The following SYNDIG1 variants were observed in gnomAD, a reference collection of about 807,000 sequenced individuals.
SYNDIG1 encodes the protein synapse differentiation inducing 1.
Under a neutral mutation model 19.4 loss-of-function variants are expected in SYNDIG1, and 9 were observed. The observed-to-expected ratio is 0.46, with a 90% CI of 0.28 to 0.81. The LOEUF is 0.81. SYNDIG1 is among the 30% of genes least tolerant of loss of function. The pLI is 0.12. For synonymous variants in SYNDIG1, 141 were observed against 145.9 expected, an observed-to-expected ratio of 0.97 and a Z score of 0.24; for missense variants, 311 against 343.3, an observed-to-expected ratio of 0.91 and a Z score of 0.74.
At chr20:24,575,508 G>A (rs568247550) in intron 2 of SYNDIG1, among the ~76,000 whole-genome samples, 12 of 152,334 alleles carry the variant, frequency 7.9e-5, no homozygotes, top group South Asian at 2.1e-4. Context: ...GGGCTGGAGC[G>A]TGGTGTGCAC....
intron 1 of SYNDIG1, among the ~76,000 whole-genome samples, chr20:24,510,322 A>C (rs2056711145): frequency 1.3e-5 from 2 of 152,022 alleles, no homozygotes; most frequent in South Asian, 4.2e-4. Flanking sequence ...TAATCCCAGC[A>C]GTTTGGGAGG....
intron 3 of SYNDIG1, among the ~76,000 whole-genome samples, chr20:24,619,649 TA>T (rs1239594471): frequency 6.6e-6 from 1 of 152,246 alleles, no homozygotes; most frequent in African/African-American, 2.4e-5. Context: ...TTAATGTTTA[TA>T]ATTAAGATAA....
At chr20:24,585,056 G>GGCCCCCCCCC in intron 3 of SYNDIG1, 63 bp downstream of exon 3, 1 of 545,664 alleles carries the variant, frequency 1.8e-6, no homozygotes. Flanking sequence ...GGTGGGGGCG[G>GGCCCCCCCCC]CAATCCCAGC....
intron 1 of SYNDIG1, among the ~76,000 whole-genome samples, chr20:24,533,828 G>A (rs760898628): frequency 9.2e-5 from 14 of 152,314 alleles, no homozygotes; most frequent in South Asian, 6.2e-4. Flanking sequence ...GCCAGGGCAC[G>A]GAGTAGGGCA....
At chr20:24,634,105 G>A (rs906767842) in intron 3 of SYNDIG1, among the ~76,000 whole-genome samples, 1 of 152,186 alleles carries the variant, frequency 6.6e-6, no homozygotes, top group African/African-American at 2.4e-5. Flanking sequence ...TCTCCTCCAT[G>A]CCCCTTTCTC....
At chr20:24,480,712 G>A (rs532710453) in intron 1 of SYNDIG1, among the ~76,000 whole-genome samples, 5 of 152,322 alleles carry the variant, frequency 3.3e-5, no homozygotes, top group East Asian at 1.9e-4. Flanking sequence ...TAGCTAAAAC[G>A]TGGAAGCAAG....
chr20:24,536,601 A>T (rs1373318669), intron 1 of SYNDIG1, among the ~76,000 whole-genome samples: 2 of 152,076 alleles, frequency 1.3e-5, no homozygotes, highest in Non-Finnish European at 2.9e-5. Flanking sequence ...ACGCCTGCTT[A>T]CTCAGGTGAG....
chr20:24,538,476 G>A (rs2057405055), intron 1 of SYNDIG1, among the ~76,000 whole-genome samples: 2 of 117,752 alleles, frequency 1.7e-5, no homozygotes, highest in Non-Finnish European at 3.9e-5. Flanking sequence ...ATTGAATGTA[G>A]ATAGCACATT....
At chr20:24,486,757 C>T (rs2055972935) in intron 1 of SYNDIG1, among the ~76,000 whole-genome samples, 1 of 151,960 alleles carries the variant, frequency 6.6e-6, no homozygotes, top group Admixed American at 6.6e-5. Context: ...CTCCCGGGTT[C>T]AAGCGATTCT....
At chr20:24,501,939 G>A (rs1271991069) in intron 1 of SYNDIG1, among the ~76,000 whole-genome samples, 1 of 152,226 alleles carries the variant, frequency 6.6e-6, no homozygotes, top group Non-Finnish European at 1.5e-5. Context: ...CCAGCAAGGG[G>A]AGACTGCTCT....
At chr20:24,610,860 A>G (rs2058836235) in intron 3 of SYNDIG1, among the ~76,000 whole-genome samples, 1 of 151,862 alleles carries the variant, frequency 6.6e-6, no homozygotes, top group Admixed American at 6.6e-5. Context: ...AAGCCAGGCC[A>G]CTCTCGGCAC....
At chr20:24,660,537 G>A (rs543519254) in intron 3 of SYNDIG1, among the ~76,000 whole-genome samples, 6 of 152,260 alleles carry the variant, frequency 3.9e-5, no homozygotes, top group South Asian at 2.1e-4. Flanking sequence ...CTCCCCACTC[G>A]TCAGCCACAG....
chr20:24,484,664 C>T (rs571803529), intron 1 of SYNDIG1, among the ~76,000 whole-genome samples: 1 of 152,150 alleles, frequency 6.6e-6, no homozygotes, highest in East Asian at 1.9e-4. Flanking sequence ...TGATCTGACA[C>T]AGATACTAAA....
At chr20:24,585,127 A>G (rs554920738) in intron 3 of SYNDIG1, 134 bp downstream of exon 3, 6 of 1,212,958 alleles carry the variant, frequency 4.9e-6, no homozygotes, top group East Asian at 4.7e-5. Context: ...GCACTTGCCC[A>G]GTTGGAGGAT....
intron 2 of SYNDIG1, among the ~76,000 whole-genome samples, chr20:24,579,688 C>G (rs1024544958): frequency 1.3e-5 from 2 of 152,156 alleles, no homozygotes; most frequent in Non-Finnish European, 1.5e-5. Flanking sequence ...GACACAGCTC[C>G]ACGTTGGCCA....
At chr20:24,634,661 C>T (rs1377691396) in intron 3 of SYNDIG1, among the ~76,000 whole-genome samples, 1 of 152,112 alleles carries the variant, frequency 6.6e-6, no homozygotes, top group African/African-American at 2.4e-5. Context: ...TTTTATTTCC[C>T]GTATAAATTT....
rs77244871 is a variant in SYNDIG1 at position 24,622,737 on chromosome 20, G to A, written c.618+37744G>A. On this transcript the variant is annotated intron_variant, in intron 3 of 3. Coordinates refer to ENST00000376862, the MANE Select transcript of SYNDIG1 (RefSeq NM_024893.3). ...GTGCCAAAAAGGTTGGCAACCACTA[G>A]TGTAACATATGAAAATTGGAATACC... 2.6e-5 allele frequency among the ~76,000 whole-genome samples: 4 copies of A among 152,254 alleles called. No homozygotes were observed. The East Asian group carries it at 7.7e-4, about 29-fold the overall frequency.
chr20:24,498,132 TTGAC>T (rs1450520038), intron 1 of SYNDIG1, among the ~76,000 whole-genome samples: 1 of 152,226 alleles, frequency 6.6e-6, no homozygotes, highest in Non-Finnish European at 1.5e-5. Flanking sequence ...TTACTGAAGT[TTGAC>T]TGACACACAA....
intron 1 of SYNDIG1, among the ~76,000 whole-genome samples, chr20:24,470,753 C>T (rs544081000): frequency 6.6e-6 from 1 of 152,296 alleles, no homozygotes; most frequent in South Asian, 2.1e-4. Context: ...AGGAAGGGGT[C>T]TTCTGGTAGT....
Sources: allele counts gnomAD v4.1 joint callset (sites outside exome capture counted in the v4.1 genomes callset), GRCh38; gene constraint gnomAD v4.1.1; transcripts MANE v1.5; gene names NCBI Gene and HGNC (gene_info 2026-07-23, HGNC 2026-07-21).